The following PARD3B variants were observed in gnomAD, a reference collection of about 807,000 sequenced individuals.
PARD3B encodes partitioning defective 3 homolog B.
In PARD3B, 103 loss-of-function variants were observed where a neutral mutation model predicts 130.2. That is an observed-to-expected ratio of 0.79 (90% CI 0.67 to 0.93). The LOEUF is 0.93. Ranked by LOEUF, PARD3B falls within the 40% of genes least tolerant of loss-of-function variation. PARD3B has a pLI of 0.00. For missense variants in PARD3B, 1,609 were observed against 1,499.2 expected, an observed-to-expected ratio of 1.07 and a Z score of -1.21; for synonymous variants, 583 against 553.2, an observed-to-expected ratio of 1.05 and a Z score of -0.76.
chr2:205,054,434 ATAT>A (rs1340145638), intron 4 of PARD3B, among the ~76,000 whole-genome samples: 12 of 29,486 alleles, frequency 4.1e-4, no homozygotes, highest in Non-Finnish European at 4.4e-4. Flanking sequence ...ATATATATAT[ATAT>A]TTTTTTTTTT....
chr2:205,400,469 C>T (rs111440904), intron 18 of PARD3B, among the ~76,000 whole-genome samples: 2,818 of 151,998 alleles, frequency 0.019, 78 homozygotes, highest in African/African-American at 0.063. Context: ...GGTGAAACCC[C>T]GTCTCTACTA....
At chr2:205,517,655 C>G (rs145385988) in intron 21 of PARD3B, among the ~76,000 whole-genome samples, 5 of 152,026 alleles carry the variant, frequency 3.3e-5, no homozygotes, top group Non-Finnish European at 7.4e-5. Context: ...TTCTCTGATT[C>G]TTTCAGTTGT....
chr2:205,312,254 T>G (rs1456728125), intron 18 of PARD3B, among the ~76,000 whole-genome samples: 1 of 152,172 alleles, frequency 6.6e-6, no homozygotes, highest in East Asian at 1.9e-4. Context: ...GCCAGGCCAA[T>G]GAAATTTTAA....
intron 10 of PARD3B, among the ~76,000 whole-genome samples, chr2:205,139,396 G>A (rs1392150019): frequency 6.6e-6 from 1 of 152,068 alleles, no homozygotes; most frequent in Non-Finnish European, 1.5e-5. Context: ...AAACCTCTGG[G>A]TTCTGGATTC....
intron 16 of PARD3B, among the ~76,000 whole-genome samples, chr2:205,275,396 C>T (rs1371214344): frequency 6.6e-6 from 1 of 152,010 alleles, no homozygotes; most frequent in Non-Finnish European, 1.5e-5. Context: ...CTAAGAGATT[C>T]GGCTATAAAA....
intron 10 of PARD3B, among the ~76,000 whole-genome samples, chr2:205,135,136 GA>G (rs2032371561): frequency 1.3e-5 from 2 of 152,146 alleles, no homozygotes; most frequent in South Asian, 4.1e-4. Context: ...GAACAGCTCG[GA>G]AAAAGTCATA....
intron 1 of PARD3B, 75 bp from the exon 2 acceptor site, chr2:204,686,106 T>G: frequency 1.0e-6 from 1 of 991,376 alleles, no homozygotes; most frequent in Non-Finnish European, 1.6e-6. Context: ...AGTTAACTTA[T>G]GTCTCTTAAC....
rs1403159765 is a variant in PARD3B at position 204,890,632 on chromosome 2, AAGAAAACCAGG to A, written c.223-74507_223-74497del. Among the ~76,000 whole-genome samples, 4 of 152,204 alleles carry A rather than the reference AAGAAAACCAGG, an allele frequency of 2.6e-5. No individual in the cohort carries two copies. Among genetic ancestry groups the A allele is most frequent in the South Asian group, 4.1e-4 (2 of 4,834 alleles). On this transcript the variant is annotated intron_variant, in intron 2 of 22. Coordinates refer to ENST00000406610, the MANE Select transcript of PARD3B (RefSeq NM_001302769.2). This position sits in a 1 kb window ranked among gnomAD's most constrained non-coding sequence, Gnocchi z 4.9. ...ATTTCACTATAAATGAAATTAGCTG[AAGAAAACCAGG>A]AGAAAACCAGGACACATGCACAACG...
rs979187 is a variant in PARD3B, at chr2:205,351,855, G to A, written c.2631-49158G>A. Among the ~76,000 whole-genome samples the A allele has an allele frequency of 6.6e-6, 1 of 151,616 alleles. No individual in the cohort carries two copies. Among genetic ancestry groups the A allele is most frequent in the African/African-American group, 2.4e-5 (1 of 41,210 alleles). On this transcript the variant is annotated intron_variant, in intron 18 of 22. Transcript: ENST00000406610. The surrounding 1 kb of genome is among the most constrained non-coding windows in gnomAD (Gnocchi z 4.2). ...CCAGAGACTTTGCTTAAAGAGGTAC[G>A]TGACAGCTTCTGAGGGATCTGTTTG...
rs2046408134 is a variant in PARD3B, at chr2:204,890,566, C to T, written c.223-74586C>T. Among the ~76,000 whole-genome samples, 1 of 152,032 alleles carries T rather than the reference C, an allele frequency of 6.6e-6. No individual in the cohort carries two copies. The highest frequency in any genetic ancestry group is 1.5e-5 in the Non-Finnish European group (1 of 67,990). On this transcript the variant is annotated intron_variant, in intron 2 of 22. Coordinates refer to ENST00000406610, the MANE Select transcript of PARD3B (RefSeq NM_001302769.2). This position sits in a 1 kb window ranked among gnomAD's most constrained non-coding sequence, Gnocchi z 4.9. ...TGTTTTGGGTACCATCATTGATTTC[C>T]ACCTCCCCCCACCACATCCCCTTAT...
At chr2:204,902,780 T>C (rs970975475) in intron 2 of PARD3B, among the ~76,000 whole-genome samples, 11 of 152,184 alleles carry the variant, frequency 7.2e-5, no homozygotes, top group Non-Finnish European at 1.6e-4. Context: ...TTTTAGAAAC[T>C]TTAATGAGTT....
chr2:204,555,477 G>A (rs760618808), intron 1 of PARD3B, among the ~76,000 whole-genome samples: 16 of 152,158 alleles, frequency 1.1e-4, no homozygotes, highest in Non-Finnish European at 2.2e-4. Context: ...AGAATTGCAT[G>A]AACCTGGGAG....
At chr2:205,289,601 A>G (rs969508907) in intron 16 of PARD3B, among the ~76,000 whole-genome samples, 2 of 152,166 alleles carry the variant, frequency 1.3e-5, no homozygotes, top group African/African-American at 4.8e-5. Context: ...TGTGTCCCCA[A>G]CAAGTTCATG....
chr2:205,084,911 T>A (rs1332787405), intron 4 of PARD3B, among the ~76,000 whole-genome samples: 2 of 152,060 alleles, frequency 1.3e-5, no homozygotes, highest in Non-Finnish European at 2.9e-5. Context: ...CTAATATGTT[T>A]CATGTATGCC....
At chr2:204,904,271 T>C (rs2046968405) in intron 2 of PARD3B, among the ~76,000 whole-genome samples, 1 of 152,220 alleles carries the variant, frequency 6.6e-6, no homozygotes, top group Non-Finnish European at 1.5e-5. Context: ...TTCAACATAA[T>C]CACTGTTAAG....
intron 1 of PARD3B, among the ~76,000 whole-genome samples, chr2:204,598,407 T>A (rs2033381285): frequency 6.6e-6 from 1 of 152,132 alleles, no homozygotes; most frequent in South Asian, 2.1e-4. Context: ...ACAGGGGTAG[T>A]TTATCTGGGT....
chr2:205,298,885 G>A (rs977785861), intron 16 of PARD3B, among the ~76,000 whole-genome samples: 10 of 152,224 alleles, frequency 6.6e-5, no homozygotes, highest in African/African-American at 1.2e-4. Flanking sequence ...AGGCTGCCTC[G>A]GCCCAGCTCC....
chr2:204,688,449 A>G (rs1336963330), intron 2 of PARD3B, among the ~76,000 whole-genome samples: 4 of 151,814 alleles, frequency 2.6e-5, no homozygotes, highest in Non-Finnish European at 5.9e-5. Flanking sequence ...GAGTGGTGGC[A>G]TGCACCTGTA....
chr2:204,695,630 A>C (rs1402375885), intron 2 of PARD3B, among the ~76,000 whole-genome samples: 1 of 151,880 alleles, frequency 6.6e-6, no homozygotes, highest in Admixed American at 6.6e-5. Flanking sequence ...GTGTGGTAAC[A>C]TTTTGAACTG....
Sources: gnomAD v4.1 joint callset for allele counts (sites outside exome capture counted in the v4.1 genomes callset) on GRCh38, gnomAD v4.1.1 for gene constraint, Gnocchi (gnomAD v3.1) non-coding constraint, MANE v1.5 for transcripts, NCBI Gene and HGNC (gene_info 2026-07-23, HGNC 2026-07-21) for gene names.